FAM72B: variants seen among roughly 807,000 people sequenced by gnomAD.
The protein encoded by FAM72B is RUMY family member 2.
FAM72B carries 4 observed loss-of-function variants against 12.6 expected under a neutral mutation model. The ratio of observed to expected loss-of-function variants is 0.32; its 90% CI spans 0.16 to 0.73. The LOEUF is 0.73. Among genes scored for constraint, FAM72B ranks in the 30% least tolerant of loss-of-function variants. The pLI is 0.67. For synonymous variants in FAM72B, 13 were observed against 53.9 expected, an observed-to-expected ratio of 0.24 and a Z score of 3.32; for missense variants, 61 against 158.4, an observed-to-expected ratio of 0.39 and a Z score of 3.30.
intron 2 of FAM72B, among the ~76,000 whole-genome samples, chr1:121,177,548 CTATTATTATTAT>C (rs200543221): frequency 5.8e-5 from 6 of 103,858 alleles, no homozygotes; most frequent in South Asian, 3.8e-4. Context: ...CATTTCTTTG[CTATTATTATTAT>C]TATTATTATT....
At chr1:121,179,720 C>T (rs1193031271) in intron 2 of FAM72B, among the ~76,000 whole-genome samples, 8 of 143,950 alleles carry the variant, frequency 5.6e-5, no homozygotes, top group African/African-American at 2.1e-4. Flanking sequence ...CTCAGCTACT[C>T]AGGAGGCTGA....
chr1:121,181,376 G>C, intron 1 of FAM72B, 28 bp from the exon 2 acceptor site: 1 of 596,420 alleles, frequency 1.7e-6, no homozygotes, highest in Non-Finnish European at 3.0e-6. Context: ...TAAAAAGACA[G>C]TCAGATGTAC....
At chr1:121,173,098 A>T (rs1394817723) in intron 3 of FAM72B, among the ~76,000 whole-genome samples, 7 of 151,140 alleles carry the variant, frequency 4.6e-5, no homozygotes, top group African/African-American at 1.5e-4. Flanking sequence ...AAAAAGAATT[A>T]GTATTTCAGT....
intron 3 of FAM72B, among the ~76,000 whole-genome samples, chr1:121,174,565 C>T (rs1475091328): frequency 6.6e-6 from 1 of 150,390 alleles, no homozygotes; most frequent in Non-Finnish European, 1.5e-5. Flanking sequence ...CGGGGTTTCT[C>T]CATGTTGGTC....
chr1:121,175,203 C>A (rs1210375640), intron 3 of FAM72B, among the ~76,000 whole-genome samples: 1 of 152,032 alleles, frequency 6.6e-6, no homozygotes, highest in African/African-American at 2.4e-5. Context: ...AAAGCCTGGA[C>A]GACAGCAAAT....
intron 3 of FAM72B, among the ~76,000 whole-genome samples, chr1:121,169,657 C>G (rs1654050633): frequency 6.6e-6 from 1 of 152,122 alleles, no homozygotes; most frequent in South Asian, 2.1e-4. Context: ...GGTTCGGAGA[C>G]AGTTATAATA....
At chr1:121,174,621 C>A (rs1654171737) in intron 3 of FAM72B, among the ~76,000 whole-genome samples, 1 of 151,310 alleles carries the variant, frequency 6.6e-6, no homozygotes, top group African/African-American at 2.4e-5. Context: ...CCCGCCTTGG[C>A]CTCCCAAACT....
At chr1:121,169,924 ATAAC>A (rs1173573098) in intron 3 of FAM72B, among the ~76,000 whole-genome samples, 1 of 152,218 alleles carries the variant, frequency 6.6e-6, no homozygotes, top group Non-Finnish European at 1.5e-5. Flanking sequence ...TAAATGGAAA[ATAAC>A]TGACCTCTAG....
chr1:121,169,647 G>A (rs1275841376), intron 3 of FAM72B, among the ~76,000 whole-genome samples: 1 of 152,128 alleles, frequency 6.6e-6, no homozygotes, highest in Non-Finnish European at 1.5e-5. Context: ...AAAAAGCAAG[G>A]GTTCGGAGAC....
chr1:121,183,353 T>C lies in FAM72B; in HGVS notation c.137A>G (p.Asp46Gly). 2 of 1,311,444 alleles carry C rather than the reference T, an allele frequency of 1.5e-6. No homozygotes were observed. The highest frequency in any genetic ancestry group is 2.1e-6 in the Non-Finnish European group (2 of 972,132). The allele number at this position is 1,311,444 out of a possible 1,614,324, so 81.2% of individuals were successfully genotyped here. A position where few individuals can be genotyped will look rare whatever the true frequency, so the allele number is the denominator to read the frequency against. Residue 46 changes from aspartate (D) to glycine (G), a missense_variant, in exon 1 of 4, where the codon GAC becomes GGC. Asp to Gly is a moderately conservative substitution (Grantham distance 94). Around this residue, in one of 2 missense-constraint regions of FAM72B, gnomAD observed 12 missense variants for 78.0 expected, o/e 0.15. Coordinates refer to ENST00000369390, the MANE Select transcript of FAM72B (RefSeq NM_001100910.2). Reference protein sequence around the residue: ...ADTEIDLFSTDIPPTNAVDFT... With the variant: ...ADTEIDLFSTGIPPTNAVDFT... ...CATGACTTACTTGGTAGGAGGGATG[T>C]CTGTAGAGAAAAGGTCTATTTCAGT...
chr1:121,180,307 C>T (rs1360927713), intron 2 of FAM72B, among the ~76,000 whole-genome samples: 8 of 87,424 alleles, frequency 9.2e-5, no homozygotes, highest in Admixed American at 3.7e-4. Flanking sequence ...TTTGGCAGGC[C>T]GAGGCAGGCG....
chr1:121,175,249 C>A (rs1274914079), intron 3 of FAM72B, among the ~76,000 whole-genome samples: 3 of 152,136 alleles, frequency 2.0e-5, no homozygotes, highest in Non-Finnish European at 4.4e-5. Flanking sequence ...ATTTTAAGCC[C>A]ATTGTTAAGA....
At position 121,183,714 on chromosome 1, in the gene FAM72B, T is replaced by G. The variant is rs1458404287; in HGVS notation, c.-225A>C. 8 of 453,118 alleles carry G rather than the reference T, an allele frequency of 1.8e-5. No individual in the cohort carries two copies. Among genetic ancestry groups the G allele is most frequent in the Admixed American group, 1.7e-4 (5 of 28,702 alleles). The allele number at this position is 453,118 out of a possible 1,614,324, so 28.1% of individuals were successfully genotyped here. ...GGGAGCGTGGCAAACTTGGCTTTCC[T>G]TTTAACTTTTGGAGAAGGGAGTGGA... On this transcript the variant is annotated 5_prime_UTR_variant, in exon 1 of 4. Transcript: ENST00000369390.
At chr1:121,172,793 G>A (rs1163799173) in intron 3 of FAM72B, among the ~76,000 whole-genome samples, 3 of 117,542 alleles carry the variant, frequency 2.6e-5, no homozygotes, top group Non-Finnish European at 5.1e-5. Flanking sequence ...GGTACTTCAG[G>A]CCAGGCATGG....
chr1:121,172,559 T>A (rs1654115372), intron 3 of FAM72B, among the ~76,000 whole-genome samples: 2 of 145,750 alleles, frequency 1.4e-5, no homozygotes, highest in Admixed American at 1.3e-4. Flanking sequence ...GGTCAGGAGG[T>A]CGAGACCAGC....
chr1:121,175,039 C>T (rs587656389), intron 3 of FAM72B, among the ~76,000 whole-genome samples: 3,509 of 151,968 alleles, frequency 0.023, 63 homozygotes, highest in Non-Finnish European at 0.034. Flanking sequence ...TACTTGGCTT[C>T]AAAGCTTCAA....
intron 2 of FAM72B, among the ~76,000 whole-genome samples, chr1:121,180,788 G>A (rs1654317221): frequency 6.6e-6 from 1 of 151,564 alleles, no homozygotes; most frequent in African/African-American, 2.4e-5. Context: ...GAGCCCAGGA[G>A]TTCAAGGCTA....
At chr1:121,179,274 A>G (rs1401704966) in intron 2 of FAM72B, among the ~76,000 whole-genome samples, 9 of 150,732 alleles carry the variant, frequency 6.0e-5, no homozygotes, top group African/African-American at 2.0e-4. Flanking sequence ...GCTACTCGGG[A>G]GGCAGAGGTG....
chr1:121,176,424 G>A (rs1425917918), intron 3 of FAM72B, among the ~76,000 whole-genome samples: 1 of 92,476 alleles, frequency 1.1e-5, no homozygotes, highest in Non-Finnish European at 2.2e-5. Context: ...CTCCCGCCTT[G>A]GACTACCAAA....
Sources: gnomAD v4.1 joint callset for allele counts (sites outside exome capture counted in the v4.1 genomes callset) on GRCh38, gnomAD v4.1.1 for gene constraint, gnomAD v4.1.1 regional missense constraint, MANE v1.5 for transcripts, NCBI Gene and HGNC (gene_info 2026-07-23, HGNC 2026-07-21) for gene names.